The following NKAIN4 variants were observed in gnomAD, a reference collection of about 807,000 sequenced individuals.
NKAIN4 encodes sodium/potassium transporting ATPase interacting 4, also known as sodium/potassium-transporting ATPase subunit beta-1-interacting protein 4.
A neutral mutation model predicts 28.8 loss-of-function variants in NKAIN4; 28 were observed. That is an observed-to-expected ratio of 0.97 (90% CI 0.72 to 1.33). NKAIN4 has a LOEUF of 1.33. Among genes scored for constraint, NKAIN4 ranks in the 40% most tolerant of loss-of-function variants. The pLI, the probability that NKAIN4 is intolerant of heterozygous loss-of-function variation, is 0.00. For synonymous variants in NKAIN4, 122 were observed against 115.6 expected (o/e 1.06, Z -0.36); for missense variants, 289 against 277.2 (o/e 1.04, Z -0.30).
chr20:63,244,589 C>T (rs542756508), intron 4 of NKAIN4: 39 of 469,098 alleles, frequency 8.3e-5, no homozygotes, highest in South Asian at 5.3e-4. Flanking sequence ...GCTGAGGACT[C>T]GGGGTCCAGC....
Position 63,247,574 on chromosome 20 carries a change from T to C in NKAIN4, c.471+4A>G. The C allele has an allele frequency of 6.5e-7, 1 of 1,545,300 alleles. No homozygotes were observed. Among genetic ancestry groups the C allele is most frequent in the Non-Finnish European group, 8.7e-7 (1 of 1,144,132 alleles). On this transcript the variant is annotated splice_donor_region_variant and intron_variant, in intron 4 of 6. Transcript: ENST00000370316. ...CACCCGGGGGCCCCCTTCCCCACGC[T>C]CACCGCGATCAGGATCTGCAGGCAA...
At chr20:63,248,953 G>A (rs2066908642) in intron 2 of NKAIN4, 58 bp from the exon 3 acceptor site, 1 of 1,185,656 alleles carries the variant, frequency 8.4e-7, no homozygotes, top group African/African-American at 1.5e-5. Context: ...ACACCTGCTT[G>A]CATCCAGCCC....
chr20:63,243,672 C>A lies in NKAIN4; in HGVS notation c.532+352G>T, dbSNP rs753463443. ...GATGTGAGCGTCCTGGCCATGGGCCCGGTTCCGATCTGCCTGGAGGCTGCA... is the reference window on the plus strand; with the variant it reads ...GATGTGAGCGTCCTGGCCATGGGCCAGGTTCCGATCTGCCTGGAGGCTGCA... On this transcript the variant is annotated intron_variant, in intron 5 of 6. Transcript: ENST00000370316. 2.0e-5 allele frequency among the ~76,000 whole-genome samples: 3 copies of A among 152,298 alleles called. No individual in the cohort carries two copies. In the South Asian group the frequency reaches 6.2e-4, roughly 32 times the overall value.
chr20:63,249,830 T>C, intron 2 of NKAIN4, 105 bp downstream of exon 2: 2 of 1,203,788 alleles, frequency 1.7e-6, no homozygotes, highest in Non-Finnish European at 2.3e-6. Context: ...ATTTGTGGGG[T>C]GTTCAGTGGT....
chr20:63,254,698 G>T, upstream of NKAIN4: 1 of 327,198 alleles, frequency 3.1e-6, no homozygotes. Context: ...AAGGGGCGAT[G>T]GCGCGGCCTC....
At chr20:63,250,499 C>T (rs552484475) in intron 1 of NKAIN4, among the ~76,000 whole-genome samples, 27 of 152,222 alleles carry the variant, frequency 1.8e-4, no homozygotes, top group Non-Finnish European at 2.9e-4. Flanking sequence ...TCGGGGGGGT[C>T]GGATGGCCGG....
At chr20:63,242,771 C>A (rs2066779823) in intron 5 of NKAIN4, 148 bp from the exon 6 acceptor site, 2 of 293,038 alleles carry the variant, frequency 6.8e-6, no homozygotes, top group Admixed American at 9.2e-5. Flanking sequence ...GCAGAGGGAA[C>A]ATGGCCTGGG....
At chr20:63,254,877 C>T (rs1439981471), upstream of NKAIN4, 1 of 160,688 alleles carries the variant, frequency 6.2e-6, no homozygotes, top group Admixed American at 6.5e-5. Context: ...CAACCTTCCC[C>T]GTGTGGGGTC....
chr20:63,247,842 C>G, intron 3 of NKAIN4, 67 bp from the exon 4 acceptor site: 1 of 1,408,890 alleles, frequency 7.1e-7, no homozygotes, highest in Non-Finnish European at 9.3e-7. Flanking sequence ...CCACTGCAGC[C>G]TGCGGGGACG....
At chr20:63,243,082 G>A (rs1446779942) in intron 5 of NKAIN4, among the ~76,000 whole-genome samples, 1 of 152,228 alleles carries the variant, frequency 6.6e-6, no homozygotes, top group Non-Finnish European at 1.5e-5. Context: ...CAGCCAGCAG[G>A]CAGCAGGGGC....
Position 63,252,504 on chromosome 20 carries a change from C to T in NKAIN4, c.54+1893G>A, listed in dbSNP as rs758281584. ...TATCCAACAACCCCGCCCTTCCTCCCGGGCCCCCTACCCCCATGCAGTGAC... is the reference window on the plus strand; with the variant it reads ...TATCCAACAACCCCGCCCTTCCTCCTGGGCCCCCTACCCCCATGCAGTGAC... On this transcript the variant is annotated intron_variant, in intron 1 of 6. Transcript: ENST00000370316. The surrounding 1 kb of genome is among the most constrained non-coding windows in gnomAD (Gnocchi z 4.6). Among the ~76,000 whole-genome samples the T allele has an allele frequency of 2.0e-5, 3 of 152,236 alleles. No homozygotes were observed. Among genetic ancestry groups the T allele is most frequent in the Non-Finnish European group, 4.4e-5 (3 of 67,986 alleles).
intron 5 of NKAIN4, chr20:63,243,753 G>A: frequency 2.7e-6 from 1 of 366,034 alleles, no homozygotes; most frequent in South Asian, 4.9e-5. Context: ...CCACTGCGGG[G>A]ATCATGAGGG....
chr20:63,254,596 G>T, upstream of NKAIN4: 1 of 528,140 alleles, frequency 1.9e-6, no homozygotes, highest in Non-Finnish European at 2.8e-6. Flanking sequence ...CCCAGCCCCA[G>T]CCCCGGGTAA....
intron 5 of NKAIN4, among the ~76,000 whole-genome samples, chr20:63,242,854 C>T (rs1212515134): frequency 6.6e-4 from 98 of 148,832 alleles, no homozygotes; most frequent in Non-Finnish European, 1.3e-3. Flanking sequence ...GGGGGTGGGA[C>T]AGCCCGGATC....
In NKAIN4 at chr20:63,241,049, C is replaced by T. The variant is rs80133670; in HGVS notation, c.*448G>A. On this transcript the variant is annotated 3_prime_UTR_variant, in exon 7 of 7. Coordinates refer to ENST00000370316, the MANE Select transcript of NKAIN4 (RefSeq NM_152864.4). ...ACCCTCCATGTTCAACAGGGGCCCT[C>T]ACCGCTTGAGGGGTCTCGGGCCTCA... The T allele has an allele frequency of 9.3e-4, 166 of 179,000 alleles. No individual in the cohort carries two copies. The highest frequency in any genetic ancestry group is 3.8e-3 in the African/African-American group (157 of 41,746). 11.1% of individuals were successfully genotyped at this position (179,000 alleles called of 1,614,324 possible).
At position 63,241,388 on chromosome 20, in the gene NKAIN4, T is replaced by TG; in HGVS notation, c.*108dup. 1.6e-6 allele frequency: 2 copies of TG among 1,215,788 alleles called. No individual in the cohort carries two copies. The highest frequency in any genetic ancestry group is 2.4e-6 in the Non-Finnish European group (2 of 843,910). 75.3% of individuals were successfully genotyped at this position (1,215,788 alleles called of 1,614,324 possible). ...CCCAGGGCAGGTGCTGCCGGCCGCC[T>TG]GGGGGGTGCTGGGTGGGGGCGCGTC... On this transcript the variant is annotated 3_prime_UTR_variant, in exon 7 of 7. Transcript: ENST00000370316.
At chr20:63,249,449 T>C (rs1601293074) in intron 2 of NKAIN4, among the ~76,000 whole-genome samples, 1 of 152,230 alleles carries the variant, frequency 6.6e-6, no homozygotes, top group East Asian at 1.9e-4. Flanking sequence ...ACTACTGGTC[T>C]GGACCGATGA....
chr20:63,248,525 C>T (rs1328342474), intron 3 of NKAIN4: 3 of 382,848 alleles, frequency 7.8e-6, no homozygotes, highest in Non-Finnish European at 1.5e-5. Flanking sequence ...CTGCAGATCT[C>T]TGCCAGGGTT....
At position 63,252,142 on chromosome 20, in the gene NKAIN4, G is replaced by A. The variant is rs750945558; in HGVS notation, c.55-2070C>T. On this transcript the variant is annotated intron_variant, in intron 1 of 6. Coordinates refer to ENST00000370316, the MANE Select transcript of NKAIN4 (RefSeq NM_152864.4). The surrounding 1 kb of genome is among the most constrained non-coding windows in gnomAD (Gnocchi z 4.6). ...CCTGCAGCACAGAGGGGCTGGGGGC[G>A]TCTTTTTCATCTCGAAGCCAAGGCT... 4.6e-5 allele frequency among the ~76,000 whole-genome samples: 7 copies of A among 152,172 alleles called. No homozygotes were observed. Among genetic ancestry groups the A allele is most frequent in the Admixed American group, 6.5e-5 (1 of 15,294 alleles).
Sources: allele counts gnomAD v4.1 joint callset (sites outside exome capture counted in the v4.1 genomes callset), GRCh38; gene constraint gnomAD v4.1.1; non-coding constraint Gnocchi (gnomAD v3.1); transcripts MANE v1.5; gene names NCBI Gene and HGNC (gene_info 2026-07-23, HGNC 2026-07-21).